The following PHACTR1 variants were observed in gnomAD, a reference collection of about 807,000 sequenced individuals.
The protein encoded by PHACTR1 is phosphatase and actin regulator 1.
Under a neutral mutation model 69.2 loss-of-function variants are expected in PHACTR1, and 16 were observed. The ratio of observed to expected loss-of-function variants is 0.23; its 90% CI spans 0.16 to 0.35. The LOEUF (loss-of-function observed/expected upper bound fraction) is 0.35, where lower values mean the gene tolerates loss of function less well. PHACTR1 is among the 10% of genes least tolerant of loss of function. PHACTR1 has a pLI of 1.00. For missense variants in PHACTR1, 510 were observed against 734.7 expected, an observed-to-expected ratio of 0.69 and a Z score of 3.54; for synonymous variants, 312 against 284.5, an observed-to-expected ratio of 1.10 and a Z score of -0.97.
At position 13,270,753 on chromosome 6, in the gene PHACTR1, CATTGT is replaced by C. The variant is rs566917591; in HGVS notation, c.1392-2103_1392-2099del. ...ATATGACCAAAAATCCTTTCTCTGA[CATTGT>C]ATTAGGCCATTCTTGCATTACTATA... is the stretch of plus-strand genomic sequence containing the variant. On this transcript the variant is annotated intron_variant, in intron 10 of 14. Coordinates refer to ENST00000332995, the MANE Select transcript of PHACTR1 (RefSeq NM_030948.6). Among the ~76,000 whole-genome samples the C allele has an allele frequency of 6.3e-3, 965 of 152,290 alleles. 3 individuals are homozygous for C. Among genetic ancestry groups the C allele is most frequent in the Middle Eastern group, 0.017 (5 of 294 alleles).
intron 4 of PHACTR1, among the ~76,000 whole-genome samples, chr6:12,878,140 C>T (rs969556103): frequency 2.6e-5 from 4 of 152,102 alleles, no homozygotes; most frequent in Non-Finnish European, 4.4e-5. Context: ...GATAAGCCTT[C>T]GGTGAATATG....
intron 4 of PHACTR1, among the ~76,000 whole-genome samples, chr6:12,895,770 C>T (rs372649164): frequency 2.0e-5 from 3 of 152,174 alleles, no homozygotes; most frequent in Non-Finnish European, 2.9e-5. Context: ...GCATTGCCTG[C>T]GGGAATTTCA....
intron 10 of PHACTR1, among the ~76,000 whole-genome samples, chr6:13,257,490 A>C (rs1011954330): frequency 6.6e-6 from 1 of 152,226 alleles, no homozygotes; most frequent in African/African-American, 2.4e-5. Context: ...TTCATCAGAT[A>C]TATCTTAAAT....
At chr6:13,141,644 C>T (rs1417343907) in intron 5 of PHACTR1, among the ~76,000 whole-genome samples, 2 of 151,304 alleles carry the variant, frequency 1.3e-5, no homozygotes, top group African/African-American at 4.9e-5. Context: ...AACGCTTCAA[C>T]TAGAGCTTTG....
chr6:13,162,372 C>T (rs1759166418), intron 6 of PHACTR1, among the ~76,000 whole-genome samples: 1 of 151,994 alleles, frequency 6.6e-6, no homozygotes. Context: ...GGTGATCCAC[C>T]CGTCTCCGCC....
chr6:13,095,750 T>G (rs980862769), intron 5 of PHACTR1, among the ~76,000 whole-genome samples: 12 of 6,028 alleles, frequency 2.0e-3, no homozygotes, highest in African/African-American at 0.011. Context: ...TGTGAAGGGC[T>G]TTTTTTTTTT....
intron 4 of PHACTR1, among the ~76,000 whole-genome samples, chr6:12,906,382 A>G (rs927293915): frequency 1.9e-4 from 29 of 152,112 alleles, no homozygotes; most frequent in African/African-American, 7.0e-4. Context: ...CCCTCCAAAA[A>G]CCTCATGTTT....
chr6:12,873,337 G>A (rs963332947), intron 4 of PHACTR1, among the ~76,000 whole-genome samples: 1 of 151,972 alleles, frequency 6.6e-6, no homozygotes, highest in Non-Finnish European at 1.5e-5. Flanking sequence ...CTTAAGATAA[G>A]ACCAGTCTGG....
chr6:13,045,685 C>A (rs1319424954), intron 4 of PHACTR1, among the ~76,000 whole-genome samples: 1 of 152,172 alleles, frequency 6.6e-6, no homozygotes, highest in Non-Finnish European at 1.5e-5. Context: ...CCTATGGATC[C>A]CTGAGTTTTC....
chr6:12,972,436 A>G (rs981631733), intron 4 of PHACTR1, among the ~76,000 whole-genome samples: 5 of 152,190 alleles, frequency 3.3e-5, no homozygotes, highest in African/African-American at 1.2e-4. Context: ...CTAAAGCAAC[A>G]CTAGATTTAT....
chr6:12,971,557 A>G (rs1328472916), intron 4 of PHACTR1, among the ~76,000 whole-genome samples: 5 of 152,228 alleles, frequency 3.3e-5, no homozygotes, highest in African/African-American at 1.2e-4. Context: ...AAATGTCCAA[A>G]AAGACAAATC....
intron 4 of PHACTR1, among the ~76,000 whole-genome samples, chr6:12,863,232 C>G (rs1781118913): frequency 6.6e-6 from 1 of 152,234 alleles, no homozygotes; most frequent in South Asian, 2.1e-4. Flanking sequence ...ATTTATTTCT[C>G]ACAGTTCTGA....
chr6:13,183,196 A>G (rs1238151610), intron 7 of PHACTR1, among the ~76,000 whole-genome samples: 2 of 152,092 alleles, frequency 1.3e-5, no homozygotes, highest in African/African-American at 4.8e-5. Flanking sequence ...CTGATTTTTG[A>G]TGCCATCTGA....
At chr6:12,985,074 C>T (rs550678579) in intron 4 of PHACTR1, among the ~76,000 whole-genome samples, 17 of 152,358 alleles carry the variant, frequency 1.1e-4, no homozygotes, top group Middle Eastern at 3.4e-3. Context: ...GATACAATTT[C>T]ATCCAACTGA....
At chr6:12,812,374 G>A (rs757838309) in intron 4 of PHACTR1, among the ~76,000 whole-genome samples, 6 of 152,104 alleles carry the variant, frequency 3.9e-5, no homozygotes, top group African/African-American at 9.7e-5. Flanking sequence ...TTTTAAACAC[G>A]AACAAAGCAC....
chr6:12,961,851 G>A (rs950651125), intron 4 of PHACTR1, among the ~76,000 whole-genome samples: 10 of 152,132 alleles, frequency 6.6e-5, no homozygotes, highest in African/African-American at 1.4e-4. Flanking sequence ...AGATGGCCAC[G>A]TTCTCACCTC....
intron 4 of PHACTR1, among the ~76,000 whole-genome samples, chr6:12,852,273 T>C (rs1194295421): frequency 6.6e-6 from 1 of 152,190 alleles, no homozygotes; most frequent in Non-Finnish European, 1.5e-5. Flanking sequence ...CCCATGCCTT[T>C]CTCTTTTTCT....
intron 5 of PHACTR1, among the ~76,000 whole-genome samples, chr6:13,154,891 G>A (rs576760183): frequency 6.6e-6 from 1 of 151,916 alleles, no homozygotes; most frequent in South Asian, 2.1e-4. Context: ...ATTGAGGAAG[G>A]AGGGTCAGAC....
At chr6:13,109,623 T>C (rs149068360) in intron 5 of PHACTR1, among the ~76,000 whole-genome samples, 1 of 152,244 alleles carries the variant, frequency 6.6e-6, no homozygotes, top group African/African-American at 2.4e-5. Flanking sequence ...TTTCTTTACA[T>C]GTATCCTGCT....
Sources: allele counts gnomAD v4.1 joint callset (sites outside exome capture counted in the v4.1 genomes callset), GRCh38; gene constraint gnomAD v4.1.1; transcripts MANE v1.5; gene names NCBI Gene and HGNC (gene_info 2026-07-23, HGNC 2026-07-21).